TENM2: variants seen among roughly 807,000 people sequenced by gnomAD.
TENM2 encodes the protein teneurin-2.
A neutral mutation model predicts 245.2 loss-of-function variants in TENM2; 52 were observed. The observed-to-expected ratio is 0.21, with a 90% CI of 0.17 to 0.27. TENM2 has a LOEUF of 0.27. Ranked by LOEUF, TENM2 falls within the 10% of genes least tolerant of loss-of-function variation. The pLI, the probability that TENM2 is intolerant of heterozygous loss-of-function variation, is 1.00. For synonymous variants in TENM2, 1,363 were observed against 1,438.9 expected (o/e 0.95, Z 1.19); for missense variants, 3,046 against 3,666.8 (o/e 0.83, Z 4.37).
At chr5:167,051,452 T>C in the TENM2 span, among the ~76,000 whole-genome samples, 1 of 150,146 alleles carries the variant, frequency 6.7e-6, no homozygotes, top group African/African-American at 2.5e-5. Context: ...AAGCTTGGAG[T>C]GTACATTTCC....
At chr5:167,238,793 T>G in the TENM2 span, among the ~76,000 whole-genome samples, 1 of 151,620 alleles carries the variant, frequency 6.6e-6, no homozygotes, top group African/African-American at 2.4e-5. Flanking sequence ...TAAGAAATAG[T>G]CAATTTGTAT....
intron 1 of TENM2, among the ~76,000 whole-genome samples, chr5:167,305,723 G>A (rs1755636655): frequency 6.6e-6 from 1 of 152,176 alleles, no homozygotes; most frequent in Non-Finnish European, 1.5e-5. Flanking sequence ...CATGGACTAT[G>A]TCAGGGATGA....
intron 2 of TENM2, among the ~76,000 whole-genome samples, chr5:167,414,579 G>C (rs1165087035): frequency 1.3e-5 from 2 of 152,014 alleles, no homozygotes; most frequent in Non-Finnish European, 2.9e-5. Flanking sequence ...GCTAGAGAGA[G>C]AGCACCCACT....
At chr5:167,085,801 T>A in the TENM2 span, among the ~76,000 whole-genome samples, 1 of 152,202 alleles carries the variant, frequency 6.6e-6, no homozygotes, top group South Asian at 2.1e-4. Context: ...CCTATGTCAA[T>A]AATCTGTGAT....
chr5:167,699,291 C>CA (rs1561684120), intron 2 of TENM2, among the ~76,000 whole-genome samples: 1 of 151,926 alleles, frequency 6.6e-6, no homozygotes, highest in African/African-American at 2.4e-5. Context: ...AAGTCTCATC[C>CA]AAGCCCAATA....
chr5:166,997,205 CAA>C, the TENM2 span, among the ~76,000 whole-genome samples: 1 of 152,120 alleles, frequency 6.6e-6, no homozygotes, highest in Admixed American at 6.5e-5. Context: ...GAAGCAGTCA[CAA>C]AATAAACCGC....
chr5:167,342,740 G>T (rs1758194160), intron 1 of TENM2, among the ~76,000 whole-genome samples: 1 of 151,688 alleles, frequency 6.6e-6, no homozygotes, highest in Non-Finnish European at 1.5e-5. Context: ...TGTTAGCCAG[G>T]ATGGTCTCGA....
At chr5:167,894,809 C>T (rs1775041742) in intron 3 of TENM2, among the ~76,000 whole-genome samples, 1 of 151,984 alleles carries the variant, frequency 6.6e-6, no homozygotes, top group African/African-American at 2.4e-5. Context: ...TCCCAAACTC[C>T]AATTAAAAAG....
At position 167,962,903 on chromosome 5, in the gene TENM2, G is replaced by A. The variant is rs150466834; in HGVS notation, c.947+10081G>A. ...ATTTGGGTAGGGACACAACCAAACC[G>A]CATTGTTATTAGTTCAGTCTCTTAT... On this transcript the variant is annotated intron_variant, in intron 4 of 28. Transcript: ENST00000518659. Among the ~76,000 whole-genome samples, 278 of 152,200 alleles carry A rather than the reference G, an allele frequency of 1.8e-3. 2 individuals are homozygous for A. Among genetic ancestry groups the A allele is most frequent in the Middle Eastern group, 6.8e-3 (2 of 294 alleles).
chr5:167,905,863 T>G (rs1197403045), intron 3 of TENM2, among the ~76,000 whole-genome samples: 1 of 152,184 alleles, frequency 6.6e-6, no homozygotes, highest in South Asian at 2.1e-4. Flanking sequence ...GCACCCTAAT[T>G]GCAAAAGTTT....
chr5:167,651,464 T>G (rs1754457917), intron 2 of TENM2, among the ~76,000 whole-genome samples: 1 of 151,974 alleles, frequency 6.6e-6, no homozygotes, highest in South Asian at 2.1e-4. Flanking sequence ...TCCTACAAAA[T>G]GAGGATGTTC....
the TENM2 span, among the ~76,000 whole-genome samples, chr5:167,034,629 CAAAAA>C: frequency 8.3e-5 from 6 of 72,240 alleles, no homozygotes; most frequent in African/African-American, 3.1e-4. Flanking sequence ...GACTCCGTCT[CAAAAA>C]AAAAAAAAAA....
intron 27 of TENM2, among the ~76,000 whole-genome samples, chr5:168,253,424 A>ATTTTTTTTT (rs200574779): frequency 1.4e-5 from 2 of 139,840 alleles, no homozygotes; most frequent in Non-Finnish European, 3.1e-5. Flanking sequence ...TGCATTCATT[A>ATTTTTTTTT]TTTTATTTTT....
intron 2 of TENM2, among the ~76,000 whole-genome samples, chr5:167,397,587 G>A (rs1762127022): frequency 1.3e-5 from 2 of 152,096 alleles, no homozygotes; most frequent in Admixed American, 6.5e-5. Flanking sequence ...GATTAATAAT[G>A]TGGTGAATTA....
chr5:167,560,327 T>C (rs1370500902), intron 2 of TENM2, among the ~76,000 whole-genome samples: 1 of 151,962 alleles, frequency 6.6e-6, no homozygotes, highest in Non-Finnish European at 1.5e-5. Flanking sequence ...TATTATACTC[T>C]TCATTTTGCA....
chr5:168,078,242 G>C (rs140484435), intron 7 of TENM2, among the ~76,000 whole-genome samples: 8,885 of 152,160 alleles, frequency 0.058, 361 homozygotes, highest in South Asian at 0.091. Context: ...AGAAGTGTCT[G>C]TTCATATCCT....
At chr5:167,942,496 C>T (rs1285087417) in intron 3 of TENM2, among the ~76,000 whole-genome samples, 1 of 152,052 alleles carries the variant, frequency 6.6e-6, no homozygotes, top group Non-Finnish European at 1.5e-5. Flanking sequence ...CCTCCTGAAC[C>T]CTTGCTAGAA....
chr5:167,612,927 G>C (rs1043069864), intron 2 of TENM2, among the ~76,000 whole-genome samples: 1 of 152,110 alleles, frequency 6.6e-6, no homozygotes, highest in Non-Finnish European at 1.5e-5. Context: ...AGACATATTT[G>C]CTTTAGGTAC....
intron 4 of TENM2, among the ~76,000 whole-genome samples, chr5:167,974,944 C>G (rs943456771): frequency 6.6e-6 from 1 of 152,168 alleles, no homozygotes; most frequent in Non-Finnish European, 1.5e-5. Context: ...AATTTCTTGT[C>G]AAGCAAAACT....
Sources: allele counts gnomAD v4.1 joint callset (sites outside exome capture counted in the v4.1 genomes callset), GRCh38; gene constraint gnomAD v4.1.1; transcripts MANE v1.5; gene names NCBI Gene and HGNC (gene_info 2026-07-23, HGNC 2026-07-21).